Variants in MCM5 observed in about 807,000 individuals in gnomAD.
MCM5 encodes the protein DNA replication licensing factor MCM5.
Under a neutral mutation model 79.9 loss-of-function variants are expected in MCM5, and 46 were observed. The observed-to-expected ratio is 0.58, with a 90% CI of 0.45 to 0.74. The LOEUF (loss-of-function observed/expected upper bound fraction) is 0.74, where lower values mean the gene tolerates loss of function less well. MCM5 is among the 30% of genes least tolerant of loss of function. The pLI is 0.00. For synonymous variants in MCM5, 404 were observed against 390.5 expected (o/e 1.03, Z -0.41); for missense variants, 883 against 1,017.0 (o/e 0.87, Z 1.79).
At chr22:35,411,065 G>T (rs1471516290) in intron 7 of MCM5, among the ~76,000 whole-genome samples, 155 bp downstream of exon 7, 2 of 152,186 alleles carry the variant, frequency 1.3e-5, no homozygotes, top group African/African-American at 4.8e-5. Context: ...GTGATCCCTG[G>T]AACTTCCACA....
chr22:35,412,047 G>T (rs1488452534), intron 7 of MCM5, among the ~76,000 whole-genome samples: 2 of 152,048 alleles, frequency 1.3e-5, no homozygotes, highest in Non-Finnish European at 2.9e-5. Context: ...TTTAAAACGT[G>T]TCCAGGATCT....
At chr22:35,430,762 G>A in the MCM5 span, among the ~76,000 whole-genome samples, 223 of 150,964 alleles carry the variant, frequency 1.5e-3, no homozygotes, top group Admixed American at 2.2e-3. Flanking sequence ...CACCTGCCTC[G>A]GCCTCCCAAA....
intron 15 of MCM5, 27 bp downstream of exon 15, chr22:35,421,487 C>G: frequency 6.2e-7 from 1 of 1,613,834 alleles, no homozygotes; most frequent in African/African-American, 1.3e-5. Flanking sequence ...GCCATGGTCT[C>G]AATTGATCTG....
At chr22:35,413,245 C>T (rs4645784) in intron 8 of MCM5, among the ~76,000 whole-genome samples, 1,983 of 152,168 alleles carry the variant, frequency 0.013, 19 homozygotes, top group Middle Eastern at 0.02. Flanking sequence ...AGGGTTTCAC[C>T]GTGTTAGCCA....
the MCM5 span, among the ~76,000 whole-genome samples, chr22:35,438,995 T>G: frequency 6.5e-4 from 5 of 7,740 alleles, no homozygotes; most frequent in African/African-American, 4.6e-3. Flanking sequence ...ACCCACATAT[T>G]CATCCATCCA....
chr22:35,403,494 G>A lies in MCM5; in HGVS notation c.375G>A (p.Gln125=). The stretch of plus-strand genomic sequence containing the variant: ...GGGAGGAGGTGCTCCAGGACATCCA[G>A]GTCATGCTCAAGTCGGACGCCAGCC... ...PSGEEVLQDI[Q]VMLKSDASPS... Residue 125 remains glutamine, a synonymous_variant, in exon 4 of 17, where the codon CAG becomes CAA. Coordinates refer to ENST00000216122, the MANE Select transcript of MCM5 (RefSeq NM_006739.4). 1 of 1,614,168 alleles carries A rather than the reference G, an allele frequency of 6.2e-7. No homozygotes were observed. Among genetic ancestry groups the A allele is most frequent in the Admixed American group, 1.7e-5 (1 of 60,020 alleles).
the MCM5 span, among the ~76,000 whole-genome samples, chr22:35,442,482 A>T: frequency 0.16 from 23,761 of 152,150 alleles, 1,925 homozygotes; most frequent in East Asian, 0.25. Context: ...CTACAGTCAA[A>T]GTATGAAAGT....
At chr22:35,425,447 T>C (rs1932770293), downstream of MCM5, 2 of 152,228 alleles carry the variant, frequency 1.3e-5, no homozygotes, top group Admixed American at 6.5e-5. Context: ...CTGGTCATTG[T>C]TGAATCACAA....
At chr22:35,416,315 GAT>G in intron 10 of MCM5, 22 bp from the exon 11 acceptor site, 2 of 1,610,836 alleles carry the variant, frequency 1.2e-6, no homozygotes, top group Non-Finnish European at 1.7e-6. Context: ...TAGGTCTGAT[GAT>G]ATTTCTCTCT....
At chr22:35,411,796 C>G (rs960886483) in intron 7 of MCM5, among the ~76,000 whole-genome samples, 3 of 152,166 alleles carry the variant, frequency 2.0e-5, no homozygotes, top group African/African-American at 7.2e-5. Context: ...GGGCTTCTCC[C>G]CACGTTCCAG....
At chr22:35,444,950 A>T in the MCM5 span, among the ~76,000 whole-genome samples, 1 of 152,332 alleles carries the variant, frequency 6.6e-6, no homozygotes, top group Non-Finnish European at 1.5e-5. Flanking sequence ...CATGCAGCCC[A>T]GTGAACGCAC....
Position 35,415,816 on chromosome 22 carries a change from C to T in MCM5, c.1204-13C>T, listed in dbSNP as rs1422839560. ...AGTTGTTATTGGGCCCTGACACCAC[C>T]CCACTGCCCCAGGTATACACGTCTG... On this transcript the variant is annotated splice_polypyrimidine_tract_variant and intron_variant, in intron 9 of 16. Transcript: ENST00000216122. The T allele has an allele frequency of 1.2e-6, 2 of 1,607,000 alleles. No homozygotes were observed. Among genetic ancestry groups the T allele is most frequent in the Non-Finnish European group, 1.7e-6 (2 of 1,175,400 alleles).
Position 35,424,471 on chromosome 22 carries a change from C to A in MCM5, c.*216C>A. 2.0e-6 allele frequency: 1 copy of A among 492,554 alleles called. No homozygotes were observed. Among genetic ancestry groups the A allele is most frequent in the Non-Finnish European group, 3.6e-6 (1 of 278,718 alleles). The allele number at this position is 492,554 out of a possible 1,614,324, so 30.5% of individuals were successfully genotyped here. ...TTCTGGGAAGTGTGCTTTTGGCATC[C>A]GTTAATAATAAAGCCACGGTGTGTT... is the stretch of plus-strand genomic sequence containing the variant. On this transcript the variant is annotated 3_prime_UTR_variant, in exon 17 of 17. Coordinates refer to ENST00000216122, the MANE Select transcript of MCM5 (RefSeq NM_006739.4).
chr22:35,406,305 C>G (rs573828931), intron 4 of MCM5, among the ~76,000 whole-genome samples: 11 of 144,988 alleles, frequency 7.6e-5, no homozygotes, highest in East Asian at 3.9e-4. Flanking sequence ...CACCTCCCCC[C>G]CCAATTGTGC....
chr22:35,423,475 C>A, intron 16 of MCM5, 134 bp downstream of exon 16: 1 of 973,252 alleles, frequency 1.0e-6, no homozygotes, highest in Non-Finnish European at 1.4e-6. Context: ...CTGTCCCTTT[C>A]TCAGACCTTT....
intron 9 of MCM5, among the ~76,000 whole-genome samples, chr22:35,415,195 T>C (rs919208739): frequency 3.9e-5 from 6 of 152,106 alleles, no homozygotes; most frequent in African/African-American, 1.4e-4. Context: ...CCCGTTTCAA[T>C]TTAAAAGGAA....
the MCM5 span, among the ~76,000 whole-genome samples, chr22:35,453,986 C>T: frequency 6.6e-6 from 1 of 151,604 alleles, no homozygotes; most frequent in South Asian, 2.1e-4. Flanking sequence ...CCGCTCTCCT[C>T]TTCCCTCCTC....
At chr22:35,407,281 C>G (rs922241903) in intron 5 of MCM5, among the ~76,000 whole-genome samples, 3 of 152,132 alleles carry the variant, frequency 2.0e-5, no homozygotes, top group African/African-American at 7.2e-5. Flanking sequence ...TCCTCAGCTT[C>G]CCATCCACCT....
chr22:35,451,362 T>A, the MCM5 span, among the ~76,000 whole-genome samples: 1 of 152,246 alleles, frequency 6.6e-6, no homozygotes, highest in South Asian at 2.1e-4. Context: ...GGGGAGATTA[T>A]CCTCAGCAAG....
Sources: allele counts gnomAD v4.1 joint callset (sites outside exome capture counted in the v4.1 genomes callset), GRCh38; gene constraint gnomAD v4.1.1; transcripts MANE v1.5; gene names NCBI Gene and HGNC (gene_info 2026-07-23, HGNC 2026-07-21).